TANC1: variants seen among roughly 807,000 people sequenced by gnomAD.
The protein encoded by TANC1 is protein TANC1.
Under a neutral mutation model 149.7 loss-of-function variants are expected in TANC1, and 77 were observed. That is an observed-to-expected ratio of 0.51 (90% confidence interval 0.43 to 0.62). TANC1 has a LOEUF of 0.62. Among genes scored for constraint, TANC1 ranks in the 20% least tolerant of loss-of-function variants. The pLI, the probability that TANC1 is intolerant of heterozygous loss-of-function variation, is 0.00. For synonymous variants in TANC1, 854 were observed against 925.0 expected (o/e 0.92, Z 1.39); for missense variants, 1,985 against 2,321.8 (o/e 0.85, Z 2.98).
At chr2:159,158,538 G>T (rs1418302021) in intron 7 of TANC1, among the ~76,000 whole-genome samples, 1 of 152,174 alleles carries the variant, frequency 6.6e-6, no homozygotes, top group African/African-American at 2.4e-5. Flanking sequence ...AGCCACTGTT[G>T]TGATTTCTTA....
chr2:159,009,600 G>A (rs1046158968), intron 2 of TANC1, among the ~76,000 whole-genome samples: 16 of 152,174 alleles, frequency 1.1e-4, no homozygotes, highest in Non-Finnish European at 1.8e-4. Flanking sequence ...GGAAGTTTTG[G>A]AGGAGGGATG....
At position 158,977,368 on chromosome 2, in the gene TANC1, T is replaced by C. The variant is rs182552095; in HGVS notation, c.-126+8586T>C. ...CTCTGTTGCCCAGGTTGGAGTGCAG[T>C]GGTGCTGTCTCAGCTCACCATAGCC... On this transcript the variant is annotated intron_variant, in intron 1 of 26. Transcript: ENST00000263635. Among the ~76,000 whole-genome samples, 789 of 152,214 alleles carry C rather than the reference T, an allele frequency of 5.2e-3. 2 individuals are homozygous for C. The highest frequency in any genetic ancestry group is 8.4e-3 in the Non-Finnish European group (571 of 68,008).
rs1400266256 is a variant in TANC1, at chr2:159,136,280, A to G, written c.346A>G (p.Thr116Ala). 3 of 1,602,752 alleles carry G rather than the reference A, an allele frequency of 1.9e-6. No individual in the cohort carries two copies. Among genetic ancestry groups the G allele is most frequent in the Admixed American group, 1.7e-5 (1 of 59,978 alleles). ...IMPFREVAKP[T>A]EPDEHEAKAD... Reference sequence around the variant, plus strand: ...GCCATTCAGAGAAGTAGCCAAGCCAACAGAGCCTGATGAGCATGGTAAGAA... The same window carrying G: ...GCCATTCAGAGAAGTAGCCAAGCCAGCAGAGCCTGATGAGCATGGTAAGAA... The change falls in exon 5 of 27, where the codon ACA becomes GCA. Residue 116 changes from threonine (T) to alanine (A), a missense_variant. By Grantham distance (58) the Thr-to-Ala change is moderately conservative. Transcript: ENST00000263635.
chr2:159,065,643 T>G (rs992323222), intron 2 of TANC1, among the ~76,000 whole-genome samples: 2 of 151,382 alleles, frequency 1.3e-5, no homozygotes, highest in African/African-American at 4.8e-5. Context: ...CACTATTGTT[T>G]TTTTTTTTTT....
chr2:159,105,319 G>A (rs1356014378), intron 4 of TANC1, among the ~76,000 whole-genome samples: 1 of 152,008 alleles, frequency 6.6e-6, no homozygotes, highest in Non-Finnish European at 1.5e-5. Flanking sequence ...AAAAAAATTA[G>A]CATGTTATAA....
intron 2 of TANC1, among the ~76,000 whole-genome samples, chr2:159,047,894 C>T (rs538565681): frequency 1.8e-4 from 28 of 152,320 alleles, no homozygotes; most frequent in African/African-American, 6.7e-4. Context: ...AAACTCATCA[C>T]TGGGCCTATA....
At chr2:159,125,539 T>C (rs900936574) in intron 4 of TANC1, among the ~76,000 whole-genome samples, 4 of 151,918 alleles carry the variant, frequency 2.6e-5, no homozygotes, top group Admixed American at 6.6e-5. Context: ...TTCAGTTCCA[T>C]GTGACTGTAG....
chr2:159,155,543 C>T (rs1297621701), intron 7 of TANC1, among the ~76,000 whole-genome samples: 3 of 152,216 alleles, frequency 2.0e-5, no homozygotes, highest in African/African-American at 7.2e-5. Flanking sequence ...CTGGGTGTGT[C>T]TGCCACACAG....
intron 19 of TANC1, among the ~76,000 whole-genome samples, chr2:159,203,209 C>CT (rs56319016): frequency 0.35 from 35,131 of 101,364 alleles, 5,561 homozygotes; most frequent in East Asian, 0.47. Context: ...CTTTTCTTTT[C>CT]TTTTTTTTTT....
At chr2:159,206,786 A>G (rs900015911) in intron 19 of TANC1, among the ~76,000 whole-genome samples, 18 of 152,182 alleles carry the variant, frequency 1.2e-4, no homozygotes, top group African/African-American at 3.6e-4. Context: ...TTTTACACTG[A>G]GACCTCATGT....
Position 159,178,835 on chromosome 2 carries a change from G to C in TANC1, c.2182G>C (p.Val728Leu). 1.9e-6 allele frequency: 3 copies of C among 1,614,190 alleles called. No individual in the cohort carries two copies. Among genetic ancestry groups the C allele is most frequent in the Non-Finnish European group, 8.5e-7 (1 of 1,180,038 alleles). The change falls in exon 14 of 27, where the codon GTG becomes CTG. Residue 728 changes from valine to leucine, a missense_variant. By Grantham distance (32) the Val-to-Leu change is conservative. Around this residue, in one of 3 missense-constraint regions of TANC1, gnomAD observed 508 missense variants for 714.2 expected, o/e 0.71. Coordinates refer to ENST00000263635, the MANE Select transcript of TANC1 (RefSeq NM_033394.3). The part of the protein sequence containing the change: ...HLVIKSASYK[V>L]VPVSLSELYL... Reference sequence around the variant, plus strand: ...GGTCATTAAGAGTGCCAGCTACAAGGTGGTGCCCGTGTCTCTCTCTGAGCT... The same window carrying C: ...GGTCATTAAGAGTGCCAGCTACAAGCTGGTGCCCGTGTCTCTCTCTGAGCT...
chr2:159,167,911 A>G (rs912606382), intron 8 of TANC1, among the ~76,000 whole-genome samples: 1 of 152,182 alleles, frequency 6.6e-6, no homozygotes, highest in African/African-American at 2.4e-5. Context: ...CCTGTTGGGC[A>G]GCCAGAGGGT....
At position 159,178,844 on chromosome 2, in the gene TANC1, G is replaced by C. The variant is rs761444409; in HGVS notation, c.2191G>C (p.Val731Leu). 7.4e-6 allele frequency: 12 copies of C among 1,614,060 alleles called. No homozygotes were observed. The African/African-American group carries it at 9.3e-5, about 13-fold the overall frequency. The change falls in exon 14 of 27, where the codon GTG becomes CTG. Residue 731 changes from valine to leucine, a missense_variant. Around this residue, in one of 3 missense-constraint regions of TANC1, gnomAD observed 508 missense variants for 714.2 expected, o/e 0.71. Transcript: ENST00000263635. ...GAGTGCCAGCTACAAGGTGGTGCCC[G>C]TGTCTCTCTCTGAGCTCTATTTGCT... ...IKSASYKVVP[V>L]SLSELYLLQC...
chr2:159,063,153 G>T (rs1044796727), intron 2 of TANC1, among the ~76,000 whole-genome samples: 1 of 152,032 alleles, frequency 6.6e-6, no homozygotes, highest in African/African-American at 2.4e-5. Flanking sequence ...AAATTACGAG[G>T]TGTCTCTCAG....
intron 3 of TANC1, among the ~76,000 whole-genome samples, chr2:159,089,784 C>A (rs2045332835): frequency 6.6e-6 from 1 of 152,202 alleles, no homozygotes; most frequent in Non-Finnish European, 1.5e-5. Flanking sequence ...TGGCATCCAA[C>A]CTTCAGAGCA....
chr2:159,097,446 A>G (rs1035741613), intron 3 of TANC1, among the ~76,000 whole-genome samples, 191 bp from the exon 4 acceptor site: 45 of 152,330 alleles, frequency 3.0e-4, no homozygotes, highest in African/African-American at 1.1e-3. Context: ...AGCAGAGTTC[A>G]CTGATGCTTG....
Position 159,001,910 on chromosome 2 carries a change from A to C in TANC1, c.-16+721A>C, listed in dbSNP as rs1020084008. Among the ~76,000 whole-genome samples, 5 of 152,068 alleles carry C rather than the reference A, an allele frequency of 3.3e-5. No homozygotes were observed. The highest frequency in any genetic ancestry group is 7.4e-5 in the Non-Finnish European group (5 of 68,004). ...GTTGTTGATGGAGGGAGGACCTGGG[A>C]TAGGGAAATGCTGGGTGAAAAGAGG... On this transcript the variant is annotated intron_variant, in intron 2 of 26. Coordinates refer to ENST00000263635, the MANE Select transcript of TANC1 (RefSeq NM_033394.3). The surrounding 1 kb of genome is among the most constrained non-coding windows in gnomAD (Gnocchi z 4.3).
intron 5 of TANC1, among the ~76,000 whole-genome samples, chr2:159,144,533 G>A (rs1442378303): frequency 6.6e-6 from 1 of 152,078 alleles, no homozygotes; most frequent in African/African-American, 2.4e-5. Context: ...GTGCTACCAT[G>A]CCCAGTTAGT....
At chr2:159,188,583 G>A (rs917921128) in intron 16 of TANC1, among the ~76,000 whole-genome samples, 1 of 152,260 alleles carries the variant, frequency 6.6e-6, no homozygotes, top group African/African-American at 2.4e-5. Flanking sequence ...AAGGAGAGGA[G>A]AACAGGAGCT....
Sources: allele counts gnomAD v4.1 joint callset (sites outside exome capture counted in the v4.1 genomes callset), GRCh38; gene constraint gnomAD v4.1.1; regional missense constraint gnomAD v4.1.1; non-coding constraint Gnocchi (gnomAD v3.1); transcripts MANE v1.5; gene names NCBI Gene and HGNC (gene_info 2026-07-23, HGNC 2026-07-21).